Variants in NEGR1 observed in about 807,000 individuals in gnomAD.
NEGR1 encodes the protein IgLON family member 4.
In NEGR1, 10 loss-of-function variants were observed where a neutral mutation model predicts 40.9. That is an observed-to-expected ratio of 0.24 (90% CI 0.15 to 0.42). NEGR1 has a LOEUF of 0.42. NEGR1 is among the 10% of genes least tolerant of loss of function. The pLI is 1.00. For missense variants in NEGR1, 352 were observed against 438.9 expected (o/e 0.80, Z 1.77); for synonymous variants, 185 against 166.8 (o/e 1.11, Z -0.84).
intron 1 of NEGR1, among the ~76,000 whole-genome samples, chr1:72,067,137 T>C (rs1024326924): frequency 6.6e-6 from 1 of 152,160 alleles, no homozygotes; most frequent in East Asian, 1.9e-4. Context: ...GCAAGTACTA[T>C]AAACATGGAA....
chr1:72,107,399 T>G (rs958940446), intron 1 of NEGR1, among the ~76,000 whole-genome samples: 7 of 151,672 alleles, frequency 4.6e-5, no homozygotes, highest in Non-Finnish European at 5.9e-5. Flanking sequence ...GTATGATAGA[T>G]ACATAAATTT....
intron 2 of NEGR1, among the ~76,000 whole-genome samples, chr1:71,848,586 T>C (rs1251970098): frequency 6.6e-6 from 1 of 152,202 alleles, no homozygotes; most frequent in East Asian, 1.9e-4. Flanking sequence ...GTTTACTAAA[T>C]ATTTAAGCCC....
intron 6 of NEGR1, among the ~76,000 whole-genome samples, chr1:71,474,468 G>A (rs1646805484): frequency 6.7e-6 from 1 of 149,882 alleles, no homozygotes; most frequent in Non-Finnish European, 1.5e-5. Context: ...GAGGTCAGGA[G>A]TTCGAGATGA....
chr1:71,928,998 T>C (rs906764072), intron 2 of NEGR1, among the ~76,000 whole-genome samples: 2 of 152,096 alleles, frequency 1.3e-5, no homozygotes, highest in Admixed American at 6.6e-5. Flanking sequence ...TGAGTATGTA[T>C]ACCCCTATCC....
intron 1 of NEGR1, among the ~76,000 whole-genome samples, chr1:72,227,666 G>A (rs1237254049): frequency 6.6e-6 from 1 of 151,992 alleles, no homozygotes; most frequent in Non-Finnish European, 1.5e-5. Context: ...GTAAAGCAGG[G>A]TTTTTCCCTT....
At chr1:72,188,563 T>G (rs1490203443) in intron 1 of NEGR1, among the ~76,000 whole-genome samples, 21 of 151,564 alleles carry the variant, frequency 1.4e-4, no homozygotes, top group Non-Finnish European at 5.9e-5. Context: ...AGATAGTGCT[T>G]ATAACCTTCT....
intron 1 of NEGR1, among the ~76,000 whole-genome samples, chr1:72,059,332 A>G (rs12084749): frequency 0.013 from 2,045 of 151,686 alleles, 45 homozygotes; most frequent in African/African-American, 0.046. Flanking sequence ...CTCATGCTGC[A>G]GACCCTCCTT....
Position 71,722,843 on chromosome 1 carries a change from A to C in NEGR1, c.536-24704T>G, listed in dbSNP as rs568289899. On this transcript the variant is annotated intron_variant, in intron 3 of 6. Coordinates refer to ENST00000357731, the MANE Select transcript of NEGR1 (RefSeq NM_173808.3). ...CCATTGAATTATCACCACATTCAAGATCAGGAATATATCCATCACCTCTAA... is the reference window on the plus strand; with the variant it reads ...CCATTGAATTATCACCACATTCAAGCTCAGGAATATATCCATCACCTCTAA... Among the ~76,000 whole-genome samples the C allele has an allele frequency of 1.7e-3, 263 of 152,256 alleles. 1 individual carries two copies. The highest frequency in any genetic ancestry group is 2.8e-3 in the Non-Finnish European group (189 of 67,996).
intron 3 of NEGR1, among the ~76,000 whole-genome samples, chr1:71,752,503 T>C (rs1655603709): frequency 6.6e-6 from 1 of 152,204 alleles, no homozygotes; most frequent in South Asian, 2.1e-4. Context: ...GATGTAAGAT[T>C]ATCAACTATT....
intron 1 of NEGR1, among the ~76,000 whole-genome samples, chr1:72,089,902 A>T (rs531709675): frequency 3.3e-5 from 5 of 152,214 alleles, no homozygotes; most frequent in African/African-American, 1.2e-4. Flanking sequence ...TGGTACGGAG[A>T]TTTATATAAT....
At chr1:71,732,583 T>C (rs910782963) in intron 3 of NEGR1, among the ~76,000 whole-genome samples, 4 of 152,106 alleles carry the variant, frequency 2.6e-5, no homozygotes, top group African/African-American at 9.7e-5. Flanking sequence ...AAGATGCAGG[T>C]GTTTCCTGCT....
At chr1:71,884,447 C>CA (rs1660669184) in intron 2 of NEGR1, among the ~76,000 whole-genome samples, 1 of 152,102 alleles carries the variant, frequency 6.6e-6, no homozygotes, top group Non-Finnish European at 1.5e-5. Context: ...GATTGGTTTA[C>CA]AAAGCTTCTC....
intron 1 of NEGR1, among the ~76,000 whole-genome samples, chr1:72,058,377 A>C (rs944290236): frequency 6.6e-6 from 1 of 151,594 alleles, no homozygotes; most frequent in African/African-American, 2.4e-5. Context: ...AGTTATTATG[A>C]TATCTGGCAT....
chr1:71,628,489 C>T (rs1406079355), intron 4 of NEGR1, among the ~76,000 whole-genome samples: 2 of 151,890 alleles, frequency 1.3e-5, no homozygotes, highest in Non-Finnish European at 2.9e-5. Context: ...TAGGTATACA[C>T]GTGCCATGGT....
chr1:71,978,310 G>C (rs1305722931), intron 1 of NEGR1, among the ~76,000 whole-genome samples: 3 of 152,050 alleles, frequency 2.0e-5, no homozygotes, highest in African/African-American at 7.2e-5. Context: ...TGAATGAAGT[G>C]AACTGATCTA....
intron 1 of NEGR1, among the ~76,000 whole-genome samples, chr1:72,171,349 C>T (rs150601244): frequency 1.3e-4 from 20 of 152,242 alleles, no homozygotes; most frequent in African/African-American, 4.3e-4. Context: ...AATCTACAGA[C>T]GCTCATGGTG....
chr1:71,759,977 T>C (rs564102758), intron 3 of NEGR1, among the ~76,000 whole-genome samples: 8 of 152,150 alleles, frequency 5.3e-5, no homozygotes, highest in African/African-American at 1.9e-4. Context: ...ACTTTCCCTA[T>C]ACATGTAACA....
At chr1:71,887,091 T>C (rs1557689024) in intron 2 of NEGR1, among the ~76,000 whole-genome samples, 1 of 152,240 alleles carries the variant, frequency 6.6e-6, no homozygotes. Flanking sequence ...TATTATACAC[T>C]GTATTCTTAC....
chr1:72,172,350 C>A (rs1651993904), intron 1 of NEGR1, among the ~76,000 whole-genome samples: 1 of 152,040 alleles, frequency 6.6e-6, no homozygotes, highest in African/African-American at 2.4e-5. Context: ...CTTCAAAAAA[C>A]AGGAGATAGC....
Sources: allele counts gnomAD v4.1 joint callset (sites outside exome capture counted in the v4.1 genomes callset), GRCh38; gene constraint gnomAD v4.1.1; transcripts MANE v1.5; gene names NCBI Gene and HGNC (gene_info 2026-07-23, HGNC 2026-07-21).